The following SLC35E1 variants were observed in gnomAD, a reference collection of about 807,000 sequenced individuals.
SLC35E1 encodes the protein solute carrier family 35, member E1.
Under a neutral mutation model 31.0 loss-of-function variants are expected in SLC35E1, and 12 were observed. The observed-to-expected ratio is 0.39, with a 90% confidence interval of 0.25 to 0.63. SLC35E1 has a LOEUF of 0.63. Ranked by LOEUF, SLC35E1 falls within the 20% of genes least tolerant of loss-of-function variation. SLC35E1 has a pLI of 0.52. For synonymous variants in SLC35E1, 257 were observed against 264.1 expected (o/e 0.97, Z 0.26); for missense variants, 429 against 572.2 (o/e 0.75, Z 2.55).
chr19:16,554,210 G>T lies in SLC35E1; in HGVS notation c.1003-301C>A, dbSNP rs1158994181. On this transcript the variant is annotated intron_variant, in intron 5 of 5. Transcript: ENST00000595753. ...GAACCCAGGAGGCGGAGGTTGCAGT[G>T]AGCTGGGACCATACCACTGCACTCC... 2.0e-5 allele frequency among the ~76,000 whole-genome samples: 3 copies of T among 148,122 alleles called. No homozygotes were observed. In the Admixed American group the frequency reaches 2.0e-4, roughly 10 times the overall value.
chr19:16,572,124 G>C lies in SLC35E1; in HGVS notation c.241C>G (p.Arg81Gly), dbSNP rs1402810083. 6.6e-6 allele frequency: 10 copies of C among 1,511,648 alleles called. No individual in the cohort carries two copies. Among genetic ancestry groups the C allele is most frequent in the African/African-American group, 2.9e-5 (2 of 68,562 alleles). The allele number at this position is 1,511,648 out of a possible 1,614,324, so 93.6% of individuals were successfully genotyped here. ...AGLPPLLRAW[R>G]VPPAPPVSGP... ...GAGACGGGCGGCGCGGGGGGCACGC[G>C]CCAGGCGCGCAGCAGCGGCGGGAGC... The change falls in exon 1 of 6, where the codon CGC becomes GGC. Residue 81 changes from arginine to glycine, a missense_variant. Coordinates refer to ENST00000595753, the MANE Select transcript of SLC35E1 (RefSeq NM_024881.5). This position sits in a 1 kb window ranked among gnomAD's most constrained non-coding sequence, Gnocchi z 4.1.
At position 16,555,612 on chromosome 19, in the gene SLC35E1, C is replaced by T. The variant is rs1412651866; in HGVS notation, c.757-215G>A. ...ATGACACCACACAGCATGGGAATCA[C>T]CCGCCGTCTCCTGCCAAGGAAACAG... is the stretch of plus-strand genomic sequence containing the variant. On this transcript the variant is annotated intron_variant, in intron 4 of 5. Coordinates refer to ENST00000595753, the MANE Select transcript of SLC35E1 (RefSeq NM_024881.5). This position sits in a 1 kb window ranked among gnomAD's most constrained non-coding sequence, Gnocchi z 4.1. The T allele has an allele frequency of 1.7e-6, 1 of 575,794 alleles. No homozygotes were observed. The highest frequency in any genetic ancestry group is 1.9e-5 in the African/African-American group (1 of 53,524). The allele number at this position is 575,794 out of a possible 1,614,324, so 35.7% of individuals were successfully genotyped here. A position where few individuals can be genotyped will look rare whatever the true frequency, so the allele number is the denominator to read the frequency against.
At chr19:16,559,792 A>G (rs1269001644) in intron 4 of SLC35E1, among the ~76,000 whole-genome samples, 2 of 152,182 alleles carry the variant, frequency 1.3e-5, no homozygotes, top group Non-Finnish European at 2.9e-5. Flanking sequence ...CAACATCTGT[A>G]TCATTGCACT....
chr19:16,552,701 C>T lies in SLC35E1; in HGVS notation c.*978G>A, dbSNP rs1250308484. ...ATGCATAGGCCAGTCCTAATGCATCCCATAATGGGGACCAAGGCAAAAACA... is the reference window on the plus strand; with the variant it reads ...ATGCATAGGCCAGTCCTAATGCATCTCATAATGGGGACCAAGGCAAAAACA... On this transcript the variant is annotated 3_prime_UTR_variant, in exon 6 of 6. Transcript: ENST00000595753. 1.3e-4 allele frequency: 20 copies of T among 152,212 alleles called. 1 individual carries two copies. In the East Asian group the frequency reaches 3.7e-3, roughly 28 times the overall value. 9.4% of individuals were successfully genotyped at this position (152,212 alleles called of 1,614,324 possible).
intron 3 of SLC35E1, among the ~76,000 whole-genome samples, chr19:16,567,215 C>T (rs2085936829): frequency 6.6e-6 from 1 of 152,196 alleles, no homozygotes; most frequent in Admixed American, 6.5e-5. Context: ...GGGTCTCACT[C>T]TATTCCTATT....
At chr19:16,558,018 T>C (rs1302941698) in intron 4 of SLC35E1, among the ~76,000 whole-genome samples, 1 of 151,962 alleles carries the variant, frequency 6.6e-6, no homozygotes, top group African/African-American at 2.4e-5. Context: ...TTCATCGTGT[T>C]AGCCAGGATG....
At position 16,551,081 on chromosome 19, in the gene SLC35E1, T is replaced by C. The variant is rs1272162727; in HGVS notation, c.*2598A>G. 6.6e-6 allele frequency: 1 copy of C among 152,138 alleles called. No individual in the cohort carries two copies. Among genetic ancestry groups the C allele is most frequent in the African/African-American group, 2.4e-5 (1 of 41,420 alleles). 9.4% of individuals were successfully genotyped at this position (152,138 alleles called of 1,614,324 possible). Reference sequence around the variant, plus strand: ...AATCATATAGACAACTCCCGTAATATCTCCGCAGTGCAAAATTATCCCTGT... The same window carrying C: ...AATCATATAGACAACTCCCGTAATACCTCCGCAGTGCAAAATTATCCCTGT... On this transcript the variant is annotated 3_prime_UTR_variant, in exon 6 of 6. Coordinates refer to ENST00000595753, the MANE Select transcript of SLC35E1 (RefSeq NM_024881.5).
At chr19:16,562,188 C>T in intron 4 of SLC35E1, among the ~76,000 whole-genome samples, 1 of 151,908 alleles carries the variant, frequency 6.6e-6, no homozygotes, top group Middle Eastern at 3.2e-3. Flanking sequence ...GACAAAAAAA[C>T]ACAGCAAAAG....
chr19:16,559,246 G>A (rs2085892034), intron 4 of SLC35E1, among the ~76,000 whole-genome samples: 1 of 151,922 alleles, frequency 6.6e-6, no homozygotes, highest in Non-Finnish European at 1.5e-5. Context: ...AGCCTGGGAG[G>A]CAGAGGTTGC....
intron 4 of SLC35E1, chr19:16,556,918 T>C: frequency 2.1e-6 from 1 of 471,608 alleles, no homozygotes; most frequent in Admixed American, 2.3e-5. Context: ...TGCAAATCCA[T>C]TTACCTGTGC....
In SLC35E1 at chr19:16,553,280, A is replaced by G. The variant is rs1215252178; in HGVS notation, c.*399T>C. 3 of 155,244 alleles carry G rather than the reference A, an allele frequency of 1.9e-5. No individual in the cohort carries two copies. Among genetic ancestry groups the G allele is most frequent in the African/African-American group, 7.2e-5 (3 of 41,620 alleles). The allele number at this position is 155,244 out of a possible 1,614,324, so 9.6% of individuals were successfully genotyped here. ...CCCCCACTGCCAGTTCATGGTCTAC[A>G]GCCACAGTGACCCCAGCTTTTCACA... On this transcript the variant is annotated 3_prime_UTR_variant, in exon 6 of 6. Coordinates refer to ENST00000595753, the MANE Select transcript of SLC35E1 (RefSeq NM_024881.5).
At chr19:16,565,523 TTC>T (rs1491488682) in intron 4 of SLC35E1, 14 of 161,518 alleles carry the variant, frequency 8.7e-5, no homozygotes, top group African/African-American at 3.4e-4. Context: ...GCATGTTTTT[TTC>T]TTTTTTTTTT....
chr19:16,558,747 C>G (rs969268244), intron 4 of SLC35E1, among the ~76,000 whole-genome samples: 2 of 151,524 alleles, frequency 1.3e-5, no homozygotes, highest in African/African-American at 4.8e-5. Flanking sequence ...ACCTCCATTC[C>G]GCTTTTCAGT....
At chr19:16,559,235 G>A (rs1158858269) in intron 4 of SLC35E1, among the ~76,000 whole-genome samples, 1 of 151,974 alleles carries the variant, frequency 6.6e-6, no homozygotes, top group Non-Finnish European at 1.5e-5. Context: ...AGAATCACTT[G>A]AGCCTGGGAG....
chr19:16,557,960 C>A (rs2085883283), intron 4 of SLC35E1, among the ~76,000 whole-genome samples: 1 of 151,670 alleles, frequency 6.6e-6, no homozygotes, highest in Admixed American at 6.6e-5. Context: ...ACTACAGGCG[C>A]CCGCCACCAT....
At chr19:16,568,961 G>A (rs1175308325) in intron 2 of SLC35E1, among the ~76,000 whole-genome samples, 2 of 151,770 alleles carry the variant, frequency 1.3e-5, no homozygotes, top group African/African-American at 4.8e-5. Flanking sequence ...TCCACCTTGG[G>A]AGGCTCCTGT....
chr19:16,563,635 C>A (rs1478166232), intron 4 of SLC35E1, among the ~76,000 whole-genome samples: 1 of 152,164 alleles, frequency 6.6e-6, no homozygotes, highest in Non-Finnish European at 1.5e-5. Context: ...GCGTACGCCA[C>A]CACACCAGAT....
chr19:16,558,359 C>T (rs900544694), intron 4 of SLC35E1, among the ~76,000 whole-genome samples: 32 of 150,644 alleles, frequency 2.1e-4, no homozygotes, highest in African/African-American at 7.1e-4. Context: ...TTTCTTGAGA[C>T]GGAGTCTCAC....
At chr19:16,565,815 T>A (rs907073337) in intron 4 of SLC35E1, 2 of 75,250 alleles carry the variant, frequency 2.7e-5, no homozygotes, top group Admixed American at 1.1e-4. Context: ...TGCGCCCGGC[T>A]TTTTTTTTTT....
Sources: gnomAD v4.1 joint callset for allele counts (sites outside exome capture counted in the v4.1 genomes callset) on GRCh38, gnomAD v4.1.1 for gene constraint, Gnocchi (gnomAD v3.1) non-coding constraint, MANE v1.5 for transcripts, NCBI Gene and HGNC (gene_info 2026-07-23, HGNC 2026-07-21) for gene names.